CYRIB: variants seen among roughly 807,000 people sequenced by gnomAD.
CYRIB encodes CYFIP-related Rac1 interactor B.
A neutral mutation model predicts 44.2 loss-of-function variants in CYRIB; 8 were observed. The ratio of observed to expected loss-of-function variants is 0.18; its 90% CI spans 0.11 to 0.33. The LOEUF (loss-of-function observed/expected upper bound fraction) is 0.33. Ranked by LOEUF, CYRIB falls within the 10% of genes least tolerant of loss-of-function variation. CYRIB has a pLI of 1.00. For synonymous variants in CYRIB, 131 were observed against 127.2 expected, an observed-to-expected ratio of 1.03 and a Z score of -0.20; for missense variants, 185 against 382.8, an observed-to-expected ratio of 0.48 and a Z score of 4.31.
chr8:129,990,102 C>A (rs1028279315), intron 1 of CYRIB, among the ~76,000 whole-genome samples: 7 of 152,128 alleles, frequency 4.6e-5, no homozygotes, highest in Admixed American at 1.3e-4. Context: ...GAGCACTTCC[C>A]CATCTATGAA....
intron 1 of CYRIB, among the ~76,000 whole-genome samples, chr8:130,006,607 C>CACACATATATATGTGTATATAT (rs1359122569): frequency 0.31 from 2,193 of 7,108 alleles, 445 homozygotes; most frequent in Middle Eastern, 0.56. Context: ...TATATATATA[C>CACACATATATATGTGTATATAT]ATATATATGT....
At chr8:129,879,808 A>G (rs2060268661) in intron 2 of CYRIB, 2 of 210,944 alleles carry the variant, frequency 9.5e-6, no homozygotes, top group Non-Finnish European at 1.9e-5. Flanking sequence ...GAAATTTCTG[A>G]TCAAGAATTA....
At chr8:129,974,190 A>G (rs2095827392) in intron 1 of CYRIB, among the ~76,000 whole-genome samples, 1 of 152,186 alleles carries the variant, frequency 6.6e-6, no homozygotes, top group Non-Finnish European at 1.5e-5. Context: ...TTGAAAACTG[A>G]CAGCTATGTT....
chr8:129,880,215 T>C (rs904003459), intron 2 of CYRIB, among the ~76,000 whole-genome samples: 5 of 152,218 alleles, frequency 3.3e-5, no homozygotes, highest in Non-Finnish European at 7.3e-5. Context: ...ATTATACATA[T>C]GATGGTGATG....
rs753911665 is a variant in CYRIB, at chr8:129,879,381, C to A, written c.73+8G>T. 1.9e-6 allele frequency: 3 copies of A among 1,591,130 alleles called. No individual in the cohort carries two copies. The highest frequency in any genetic ancestry group is 2.6e-6 in the Non-Finnish European group (3 of 1,161,108). ...CAAAGAGAAATAGATATAAAATCATCTTCTCACTTTCAAAATCAAGGAAAA... is the reference window on the plus strand; with the variant it reads ...CAAAGAGAAATAGATATAAAATCATATTCTCACTTTCAAAATCAAGGAAAA... On this transcript the variant is annotated splice_region_variant and intron_variant, in intron 3 of 11. Coordinates refer to ENST00000519824, the Ensembl canonical transcript of CYRIB.
intron 5 of CYRIB, among the ~76,000 whole-genome samples, chr8:129,861,058 A>G (rs997055162): frequency 6.6e-6 from 1 of 152,322 alleles, no homozygotes; most frequent in Non-Finnish European, 1.5e-5. Context: ...CAATCACAGT[A>G]TGATTTTCTT....
chr8:130,005,410 G>A (rs1291265638), intron 1 of CYRIB, among the ~76,000 whole-genome samples: 1 of 152,108 alleles, frequency 6.6e-6, no homozygotes, highest in Non-Finnish European at 1.5e-5. Flanking sequence ...GTCCCTTAGC[G>A]GGCTTTCACG....
At chr8:129,961,418 G>C (rs150724859) in intron 2 of CYRIB, among the ~76,000 whole-genome samples, 1 of 152,292 alleles carries the variant, frequency 6.6e-6, no homozygotes, top group Non-Finnish European at 1.5e-5. Context: ...ATATCCATCA[G>C]TCCCTTTAGG....
chr8:130,014,968 T>A (rs1410421506), intron 1 of CYRIB, among the ~76,000 whole-genome samples: 3 of 152,258 alleles, frequency 2.0e-5, no homozygotes, highest in Non-Finnish European at 2.9e-5. Context: ...CCTCAGCCAG[T>A]CACCTGGCGG....
chr8:129,854,273 T>C, exon 7 of CYRIB: 3 of 1,606,814 alleles, frequency 1.9e-6, no homozygotes, highest in South Asian at 1.1e-5. Context: ...TACCGGTACA[T>C]TGTTAATCCT....
intron 1 of CYRIB, among the ~76,000 whole-genome samples, chr8:129,906,133 C>G (rs867661831): frequency 1.6e-4 from 24 of 151,982 alleles, no homozygotes; most frequent in Non-Finnish European, 3.1e-4. Context: ...AAAAAGAGCC[C>G]GCATCACCAA....
chr8:129,852,296 G>C lies in CYRIB; in HGVS notation c.517-18C>G. 6.9e-7 allele frequency: 1 copy of C among 1,441,244 alleles called. No homozygotes were observed. Among genetic ancestry groups the C allele is most frequent in the Non-Finnish European group, 9.4e-7 (1 of 1,068,160 alleles). The allele number at this position is 1,441,244 out of a possible 1,614,324, so 89.3% of individuals were successfully genotyped here. Reference sequence around the variant, plus strand: ...CCTTCTGCCTGTGGGGAAGGTAAAAGCACTGGATGTTAGTTCACAAATTAT... The same window carrying C: ...CCTTCTGCCTGTGGGGAAGGTAAAACCACTGGATGTTAGTTCACAAATTAT... On this transcript the variant is annotated intron_variant, in intron 7 of 11. Coordinates refer to ENST00000519824, the Ensembl canonical transcript of CYRIB.
At chr8:130,000,147 A>G (rs563353575) in intron 1 of CYRIB, among the ~76,000 whole-genome samples, 2 of 152,190 alleles carry the variant, frequency 1.3e-5, no homozygotes, top group Non-Finnish European at 2.9e-5. Context: ...CTTCAGCCAC[A>G]GCACCTGACT....
chr8:129,992,444 C>T (rs1167945211), intron 1 of CYRIB, among the ~76,000 whole-genome samples: 2 of 152,192 alleles, frequency 1.3e-5, no homozygotes, highest in African/African-American at 2.4e-5. Context: ...CTTGGAACAG[C>T]GCTCACAAAG....
At chr8:129,842,145 T>C (rs1055059687) in exon 12 of CYRIB, 1 of 1,611,624 alleles carries the variant, frequency 6.2e-7, no homozygotes, top group Non-Finnish European at 8.5e-7. Context: ...AGAATTGTTA[T>C]TGCAGCATGG....
At chr8:130,002,702 A>G (rs1225926038) in intron 1 of CYRIB, among the ~76,000 whole-genome samples, 1 of 152,174 alleles carries the variant, frequency 6.6e-6, no homozygotes, top group Non-Finnish European at 1.5e-5. Context: ...CCTGACTTTG[A>G]GGGGCCGTGT....
intron 1 of CYRIB, among the ~76,000 whole-genome samples, chr8:129,910,807 A>T (rs1453891310): frequency 1.3e-5 from 2 of 152,134 alleles, no homozygotes; most frequent in African/African-American, 4.8e-5. Flanking sequence ...AAAAACAAAC[A>T]AGAGAAACAC....
chr8:129,986,956 G>C (rs1395286313), intron 1 of CYRIB, among the ~76,000 whole-genome samples: 1 of 152,118 alleles, frequency 6.6e-6, no homozygotes, highest in South Asian at 2.1e-4. Flanking sequence ...GACAGTCAAA[G>C]CACGGAACCT....
rs79329396 is a variant in CYRIB, at chr8:129,972,565, C to A, written c.-295-1570G>T. 1.8e-3 allele frequency among the ~76,000 whole-genome samples: 270 copies of A among 152,070 alleles called. 3 individuals carry two copies. The East Asian group carries it at 0.026, about 14-fold the overall frequency. The stretch of plus-strand genomic sequence containing the variant: ...GCTCCAGCCTGGGTGACAGAGCAAC[C>A]CGTCTCCAAAGAAAATAAAAAAAAG... On this transcript the variant is annotated intron_variant, in intron 1 of 14. Transcript: ENST00000401979.
Sources: allele counts gnomAD v4.1 joint callset (sites outside exome capture counted in the v4.1 genomes callset), GRCh38; gene constraint gnomAD v4.1.1; transcripts MANE v1.5; gene names NCBI Gene and HGNC (gene_info 2026-07-23, HGNC 2026-07-21).